The following SPSB4 variants were observed in gnomAD, a reference collection of about 807,000 sequenced individuals.
SPSB4 encodes SPRY domain-containing SOCS box protein 4.
In SPSB4, 21 loss-of-function variants were observed where a neutral mutation model predicts 20.9. That is an observed-to-expected ratio of 1.01 (90% confidence interval 0.71 to 1.45). The LOEUF is 1.45. Among genes scored for constraint, SPSB4 ranks in the 40% most tolerant of loss-of-function variants. SPSB4 has a pLI of 0.00. For missense variants in SPSB4, 399 were observed against 399.2 expected (o/e 1.00, Z 0.00); for synonymous variants, 207 against 183.8 (o/e 1.13, Z -1.02).
At chr3:141,074,749 C>T (rs936034073) in intron 2 of SPSB4, among the ~76,000 whole-genome samples, 1 of 152,208 alleles carries the variant, frequency 6.6e-6, no homozygotes, top group African/African-American at 2.4e-5. Context: ...AGACATTCAG[C>T]AGGGATGAGC....
At position 141,083,052 on chromosome 3, in the gene SPSB4, T is replaced by C. The variant is rs1414761229; in HGVS notation, c.694+16254T>C. Among the ~76,000 whole-genome samples the C allele has an allele frequency of 2.0e-5, 3 of 151,520 alleles. No homozygotes were observed. The East Asian group carries it at 5.8e-4, about 29-fold the overall frequency. On this transcript the variant is annotated intron_variant, in intron 2 of 2. Coordinates refer to ENST00000310546, the MANE Select transcript of SPSB4 (RefSeq NM_080862.3). Reference sequence around the variant, plus strand: ...AGACCATGATGAGCTGCACCAGGCTTTCTAAGTATCTGAAATGCTCTAGGC... The same window carrying C: ...AGACCATGATGAGCTGCACCAGGCTCTCTAAGTATCTGAAATGCTCTAGGC...
At chr3:141,069,001 T>C (rs984561971) in intron 2 of SPSB4, among the ~76,000 whole-genome samples, 1 of 152,188 alleles carries the variant, frequency 6.6e-6, no homozygotes, top group Non-Finnish European at 1.5e-5. Flanking sequence ...TCTAACCTCC[T>C]CCTTACTGGC....
intron 1 of SPSB4, among the ~76,000 whole-genome samples, chr3:141,060,596 A>C (rs955524654): frequency 2.0e-5 from 3 of 152,236 alleles, no homozygotes; most frequent in Non-Finnish European, 4.4e-5. Context: ...TGCTGTGTAC[A>C]TAGGTAGTTT....
chr3:141,108,588 C>T (rs1370714823), intron 2 of SPSB4, among the ~76,000 whole-genome samples: 1 of 152,156 alleles, frequency 6.6e-6, no homozygotes, highest in Non-Finnish European at 1.5e-5. Flanking sequence ...GTGCTAGGTC[C>T]TGGGGTACTC....
intron 1 of SPSB4, among the ~76,000 whole-genome samples, chr3:141,057,724 T>C (rs1348011594): frequency 4.9e-4 from 75 of 152,160 alleles, no homozygotes; most frequent in Admixed American, 4.8e-3. Context: ...GGCACTAATA[T>C]CTAATATCCT....
chr3:141,086,973 A>G (rs1938355903), intron 2 of SPSB4, among the ~76,000 whole-genome samples: 1 of 152,076 alleles, frequency 6.6e-6, no homozygotes, highest in Non-Finnish European at 1.5e-5. Context: ...GCTTGGGAAC[A>G]CTGATTCTGC....
intron 1 of SPSB4, among the ~76,000 whole-genome samples, chr3:141,063,669 G>T (rs1937810449): frequency 6.6e-6 from 1 of 152,292 alleles, no homozygotes; most frequent in Admixed American, 6.5e-5. Flanking sequence ...AGGTGAGTTT[G>T]CTTGGTTTGC....
At chr3:141,115,138 G>C (rs1938863801) in intron 2 of SPSB4, 2 of 152,222 alleles carry the variant, frequency 1.3e-5, no homozygotes, top group African/African-American at 2.4e-5. Flanking sequence ...TTTAAAAGCA[G>C]TTCTGGTTTT....
chr3:141,142,473 C>G (rs1179931692), intron 2 of SPSB4, among the ~76,000 whole-genome samples: 1 of 152,108 alleles, frequency 6.6e-6, no homozygotes, highest in Non-Finnish European at 1.5e-5. Context: ...TGTTGTCTAT[C>G]TTGGAGAATG....
At chr3:141,090,226 A>G (rs1287139224) in intron 2 of SPSB4, among the ~76,000 whole-genome samples, 1 of 152,220 alleles carries the variant, frequency 6.6e-6, no homozygotes, top group African/African-American at 2.4e-5. Flanking sequence ...TGCACATATT[A>G]ATTGAGTACC....
chr3:141,128,965 T>C (rs1322104672), intron 2 of SPSB4, among the ~76,000 whole-genome samples: 1 of 152,192 alleles, frequency 6.6e-6, no homozygotes, highest in African/African-American at 2.4e-5. Context: ...TGAGTAACTT[T>C]CAGACTAGGT....
chr3:141,087,502 G>A (rs1938367517), intron 2 of SPSB4, among the ~76,000 whole-genome samples: 2 of 152,192 alleles, frequency 1.3e-5, no homozygotes, highest in Middle Eastern at 3.2e-3. Flanking sequence ...CATGTGCTGG[G>A]GGAGCCCCCA....
At chr3:141,073,123 A>G (rs1001993333) in intron 2 of SPSB4, among the ~76,000 whole-genome samples, 3 of 152,192 alleles carry the variant, frequency 2.0e-5, no homozygotes, top group African/African-American at 7.2e-5. Flanking sequence ...TGCCCCCTCT[A>G]GCTAATTAAC....
At chr3:141,075,581 A>T (rs1420703332) in intron 2 of SPSB4, among the ~76,000 whole-genome samples, 1 of 152,108 alleles carries the variant, frequency 6.6e-6, no homozygotes, top group Non-Finnish European at 1.5e-5. Flanking sequence ...TAAAATGCTG[A>T]TTCTGACTTA....
At chr3:141,146,068 A>T (rs1939407905) in intron 2 of SPSB4, among the ~76,000 whole-genome samples, 1 of 151,982 alleles carries the variant, frequency 6.6e-6, no homozygotes, top group East Asian at 1.9e-4. Flanking sequence ...CCAGATCATG[A>T]GCCTCCACCA....
chr3:141,095,457 C>T (rs1404886499), intron 2 of SPSB4, among the ~76,000 whole-genome samples: 3 of 152,150 alleles, frequency 2.0e-5, no homozygotes, highest in Non-Finnish European at 4.4e-5. Context: ...CTGCTCCCTT[C>T]CCGGCTCCCC....
chr3:141,093,743 T>C (rs1291096736), intron 2 of SPSB4, among the ~76,000 whole-genome samples: 1 of 152,162 alleles, frequency 6.6e-6, no homozygotes, highest in Non-Finnish European at 1.5e-5. Context: ...CAGTTCAACC[T>C]CTGCAGCAGG....
In SPSB4 at chr3:141,066,135, T is replaced by A. The variant is rs1156662764; in HGVS notation, c.31T>A (p.Ser11Thr). ...CCAGAAGCTCTCGGGGAGCCTCAAG[T>A]CAGTGGAGGTGCGAGAGCCGGCGCT... is the stretch of plus-strand genomic sequence containing the variant. MGQKLSGSLK[S>T]VEVREPALRP... The change falls in exon 2 of 3, where the codon TCA (serine) becomes ACA (threonine). Residue 11 changes from serine (S) to threonine (T), a missense_variant. Coordinates refer to ENST00000310546, the MANE Select transcript of SPSB4 (RefSeq NM_080862.3). 2 of 1,532,312 alleles carry A rather than the reference T, an allele frequency of 1.3e-6. No individual in the cohort carries two copies. Among genetic ancestry groups the A allele is most frequent in the Admixed American group, 4.0e-5 (2 of 49,628 alleles). 94.9% of individuals were successfully genotyped at this position (1,532,312 alleles called of 1,614,324 possible). A position where few individuals can be genotyped will look rare whatever the true frequency, so the allele number is the denominator to read the frequency against.
At chr3:141,072,178 C>T (rs1938021411) in intron 2 of SPSB4, among the ~76,000 whole-genome samples, 1 of 152,238 alleles carries the variant, frequency 6.6e-6, no homozygotes, top group Non-Finnish European at 1.5e-5. Context: ...GCACTGAGTT[C>T]TTCTGCATCT....
Sources: gnomAD v4.1 joint callset for allele counts (sites outside exome capture counted in the v4.1 genomes callset) on GRCh38, gnomAD v4.1.1 for gene constraint, MANE v1.5 for transcripts, NCBI Gene and HGNC (gene_info 2026-07-23, HGNC 2026-07-21) for gene names.